OC90: variants seen among roughly 807,000 people sequenced by gnomAD.
OC90 encodes the protein otoconin-90.
In OC90, 46 loss-of-function variants were observed where a neutral mutation model predicts 47.3. The ratio of observed to expected loss-of-function variants is 0.97; its 90% CI spans 0.77 to 1.24. The LOEUF is 1.24. Among genes scored for constraint, OC90 ranks in the 50% most tolerant of loss-of-function variants. OC90 has a pLI of 0.00. For missense variants in OC90, 688 were observed against 583.9 expected (o/e 1.18, Z -1.84); for synonymous variants, 271 against 219.5 (o/e 1.23, Z -2.07).
chr8:132,050,598 C>T (rs773783587), intron 2 of OC90, among the ~76,000 whole-genome samples: 15 of 152,192 alleles, frequency 9.9e-5, no homozygotes, highest in Admixed American at 6.5e-4. Context: ...TGTGAGACTT[C>T]GGGCACGTGT....
chr8:132,058,006 C>T (rs183211643), intron 1 of OC90, among the ~76,000 whole-genome samples: 3 of 152,216 alleles, frequency 2.0e-5, no homozygotes, highest in Non-Finnish European at 2.9e-5. Context: ...TGACTCACTG[C>T]GTAACTGTCA....
At chr8:132,025,958 C>A (rs940276988) in intron 13 of OC90, among the ~76,000 whole-genome samples, 1 of 152,240 alleles carries the variant, frequency 6.6e-6, no homozygotes, top group Non-Finnish European at 1.5e-5. Context: ...TCTTCCTTCT[C>A]TGGGCCAGAA....
intron 2 of OC90, chr8:132,049,908 G>C (rs375960587): frequency 9.9e-5 from 49 of 496,654 alleles, no homozygotes; most frequent in Non-Finnish European, 1.9e-4. Flanking sequence ...CCATTATTTT[G>C]AACTATTTGT....
intron 2 of OC90, among the ~76,000 whole-genome samples, chr8:132,052,520 G>T (rs1003195423): frequency 2.0e-5 from 3 of 152,136 alleles, no homozygotes; most frequent in South Asian, 2.1e-4. Flanking sequence ...TGTTAATAAG[G>T]TGTGCTTTCT....
At chr8:132,042,316 G>T (rs1398753797) in intron 4 of OC90, among the ~76,000 whole-genome samples, 1 of 152,112 alleles carries the variant, frequency 6.6e-6, no homozygotes, top group African/African-American at 2.4e-5. Context: ...GCTACCACAC[G>T]CATATTGGTG....
At chr8:132,036,540 A>G in intron 9 of OC90, 1 of 716,780 alleles carries the variant, frequency 1.4e-6, no homozygotes, top group Non-Finnish European at 2.6e-6. Context: ...CGATCAGGGC[A>G]TATGGCTGCA....
chr8:132,045,975 A>G, intron 2 of OC90, 92 bp from the exon 3 acceptor site: 1 of 722,574 alleles, frequency 1.4e-6, no homozygotes. Flanking sequence ...CAGACAAACA[A>G]TGGGAATTCA....
intron 2 of OC90, among the ~76,000 whole-genome samples, chr8:132,053,251 G>T (rs952338548): frequency 6.6e-6 from 1 of 152,116 alleles, no homozygotes; most frequent in Non-Finnish European, 1.5e-5. Flanking sequence ...GTCACCCCAT[G>T]TTGCAATGAT....
At chr8:132,026,220 T>C (rs1158131967) in intron 13 of OC90, among the ~76,000 whole-genome samples, 1 of 152,200 alleles carries the variant, frequency 6.6e-6, no homozygotes, top group Non-Finnish European at 1.5e-5. Context: ...AAATAATATC[T>C]TTGAAGGTTC....
intron 2 of OC90, chr8:132,049,866 C>A: frequency 1.9e-6 from 1 of 518,018 alleles, no homozygotes; most frequent in Non-Finnish European, 3.9e-6. Context: ...TCTTCAGCTG[C>A]CATCTTTGGA....
intron 2 of OC90, among the ~76,000 whole-genome samples, chr8:132,051,732 G>A (rs1191784786): frequency 6.6e-6 from 1 of 152,176 alleles, no homozygotes; most frequent in Admixed American, 6.5e-5. Context: ...CCAAATCTTT[G>A]CAGGGATGGG....
chr8:132,037,610 C>G (rs895428663), intron 8 of OC90, 122 bp from the exon 9 acceptor site: 35 of 804,902 alleles, frequency 4.3e-5, no homozygotes, highest in Admixed American at 3.3e-4. Flanking sequence ...TGAGAAAGGG[C>G]TTACTAAGAA....
In OC90 at chr8:132,024,233, A is replaced by G. The variant is rs1822719103; in HGVS notation, c.*248T>C. The G allele has an allele frequency of 1.7e-5, 7 of 401,834 alleles. No individual in the cohort carries two copies. Among genetic ancestry groups the G allele is most frequent in the Admixed American group, 1.2e-4 (3 of 25,370 alleles). The allele number at this position is 401,834 out of a possible 1,614,324, so 24.9% of individuals were successfully genotyped here. A position where few individuals can be genotyped will look rare whatever the true frequency, so the allele number is the denominator to read the frequency against. On this transcript the variant is annotated 3_prime_UTR_variant, in exon 14 of 14. Transcript: ENST00000254627. Reference sequence around the variant, plus strand: ...TCAGAGCATGTTGATTGGAGTATTTATTGAGCTTCCACAGTGCACTAAAGG... The same window carrying G: ...TCAGAGCATGTTGATTGGAGTATTTGTTGAGCTTCCACAGTGCACTAAAGG...
chr8:132,038,861 T>G, intron 7 of OC90, 30 bp from the exon 8 acceptor site: 1 of 1,612,888 alleles, frequency 6.2e-7, no homozygotes, highest in Non-Finnish European at 8.5e-7. Flanking sequence ...GAAAGTCTGT[T>G]GAGAGCAGTG....
At chr8:132,054,619 C>A (rs767147689) in intron 2 of OC90, among the ~76,000 whole-genome samples, 2 of 152,202 alleles carry the variant, frequency 1.3e-5, no homozygotes, top group Non-Finnish European at 2.9e-5. Context: ...GTTCAATTCA[C>A]ATGTAAATGG....
At chr8:132,041,252 G>T in intron 5 of OC90, 96 bp from the exon 6 acceptor site, 2 of 785,322 alleles carry the variant, frequency 2.5e-6, no homozygotes, top group Non-Finnish European at 2.2e-6. Flanking sequence ...GATGGATCCT[G>T]GCAGTGGTCT....
chr8:132,037,009 T>C (rs1323273886), intron 9 of OC90, among the ~76,000 whole-genome samples: 1 of 152,232 alleles, frequency 6.6e-6, no homozygotes. Flanking sequence ...GGTGTAATCA[T>C]CCCCTTTCAG....
chr8:132,039,200 A>G, intron 6 of OC90, 77 bp from the exon 7 acceptor site: 2 of 1,481,258 alleles, frequency 1.4e-6, no homozygotes, highest in Non-Finnish European at 9.2e-7. Flanking sequence ...TCCAAGACTG[A>G]GTTCCTCATC....
intron 2 of OC90, among the ~76,000 whole-genome samples, chr8:132,047,109 G>A (rs1036645888): frequency 1.3e-5 from 2 of 152,108 alleles, no homozygotes; most frequent in East Asian, 3.8e-4. Context: ...TTTCCACAAC[G>A]CATAACTGAG....
Sources: allele counts gnomAD v4.1 joint callset (sites outside exome capture counted in the v4.1 genomes callset), GRCh38; gene constraint gnomAD v4.1.1; transcripts MANE v1.5; gene names NCBI Gene and HGNC (gene_info 2026-07-23, HGNC 2026-07-21).